DHODH: variants seen among roughly 807,000 people sequenced by gnomAD.
The protein encoded by DHODH is dihydroorotate dehydrogenase (quinone).
In DHODH, 30 loss-of-function variants were observed where a neutral mutation model predicts 39.7. The ratio of observed to expected loss-of-function variants is 0.76; its 90% CI spans 0.57 to 1.02. The LOEUF (loss-of-function observed/expected upper bound fraction) is 1.02, where lower values mean the gene tolerates loss of function less well. Ranked by LOEUF, DHODH falls within the 50% of genes least tolerant of loss-of-function variation. The pLI is 0.00. For synonymous variants in DHODH, 222 were observed against 213.8 expected, an observed-to-expected ratio of 1.04 and a Z score of -0.34; for missense variants, 531 against 520.8, an observed-to-expected ratio of 1.02 and a Z score of -0.19.
intron 2 of DHODH, among the ~76,000 whole-genome samples, chr16:72,012,936 C>T (rs565355898): frequency 7.2e-5 from 11 of 152,308 alleles, no homozygotes; most frequent in South Asian, 2.1e-4. Context: ...TGTGACCTTC[C>T]GGGCTTAGTG....
At chr16:72,016,055 G>A (rs779378894) in intron 3 of DHODH, 1 of 184,362 alleles carries the variant, frequency 5.4e-6, no homozygotes, top group Non-Finnish European at 1.0e-5. Flanking sequence ...GCAGTGTTGA[G>A]ACTCTGGTCC....
intron 3 of DHODH, among the ~76,000 whole-genome samples, chr16:72,015,004 C>T (rs1196494820): frequency 6.6e-6 from 1 of 152,146 alleles, no homozygotes; most frequent in African/African-American, 2.4e-5. Context: ...TGTTGTTTCT[C>T]CAATGCTCTT....
At chr16:72,011,948 T>A in intron 1 of DHODH, 102 bp from the exon 2 acceptor site, 1 of 905,390 alleles carries the variant, frequency 1.1e-6, no homozygotes, top group Non-Finnish European at 1.8e-6. Context: ...GTCTGTTTCA[T>A]GTGACCTGCC....
At position 72,022,368 on chromosome 16, in the gene DHODH, C is replaced by T. The variant is rs1489277506; in HGVS notation, c.712C>T (p.Gln238Ter). Residue 238 changes from glutamine to a stop codon, truncating the protein, a stop_gained, in exon 6 of 9, where the codon CAG becomes TAG. Coordinates refer to ENST00000219240, the MANE Select transcript of DHODH (RefSeq NM_001361.5). LOFTEE classifies it high-confidence loss of function. ...ELRRLLTKVLQERDGLRRVHR... is the reference protein window; with the variant it reads ...ELRRLLTKVL ...TGGCCGTGTGTCGCCCTAGGTGCTG[C>T]AGGAGAGGGATGGCTTGCGGAGAGT... is the stretch of plus-strand genomic sequence containing the variant. 1.9e-6 allele frequency: 3 copies of T among 1,553,128 alleles called. No individual in the cohort carries two copies. The highest frequency in any genetic ancestry group is 2.4e-5 in the South Asian group (2 of 84,148).
At chr16:72,016,500 A>G (rs937535064) in intron 3 of DHODH, 3 of 217,782 alleles carry the variant, frequency 1.4e-5, no homozygotes, top group Non-Finnish European at 2.8e-5. Flanking sequence ...GCATATATGT[A>G]TGTATCTATC....
rs1335015663 is a variant in DHODH at position 72,025,356 on chromosome 16, G to A, written c.*1157G>A. 6.6e-6 allele frequency: 1 copy of A among 152,220 alleles called. No individual in the cohort carries two copies. Among genetic ancestry groups the A allele is most frequent in the Non-Finnish European group, 1.5e-5 (1 of 68,032 alleles). The allele number at this position is 152,220 out of a possible 1,614,324, so 9.4% of individuals were successfully genotyped here. ...CTGGATGGAATGCACACTGTTATCTGTTTAGTTACTTTATGTTTTCATACA... is the reference window on the plus strand; with the variant it reads ...CTGGATGGAATGCACACTGTTATCTATTTAGTTACTTTATGTTTTCATACA... On this transcript the variant is annotated 3_prime_UTR_variant, in exon 9 of 9. Coordinates refer to ENST00000219240, the MANE Select transcript of DHODH (RefSeq NM_001361.5).
At chr16:72,023,667 T>G (rs1419707570) in intron 8 of DHODH, 34 bp downstream of exon 8, 2 of 1,611,220 alleles carry the variant, frequency 1.2e-6, no homozygotes, top group Non-Finnish European at 1.7e-6. Context: ...GAAACAGAAG[T>G]TAGGCAGAGG....
chr16:72,023,772 T>G, intron 8 of DHODH, 139 bp downstream of exon 8: 1 of 1,243,626 alleles, frequency 8.0e-7, no homozygotes, highest in Non-Finnish European at 1.1e-6. Flanking sequence ...GGGAGAGAAA[T>G]TCTGGGTTAC....
chr16:72,016,476 C>T (rs2041142527), intron 3 of DHODH: 1 of 178,604 alleles, frequency 5.6e-6, no homozygotes, highest in Non-Finnish European at 1.2e-5. Context: ...AAGATTGTAA[C>T]CTAGGGACCT....
intron 6 of DHODH, 107 bp from the exon 7 acceptor site, chr16:72,023,057 GC>G (rs756727189): frequency 4.1e-5 from 43 of 1,053,848 alleles, no homozygotes; most frequent in Non-Finnish European, 5.8e-5. Context: ...TGCTTTGGGG[GC>G]TGTAGGTGTG....
intron 1 of DHODH, among the ~76,000 whole-genome samples, chr16:72,009,745 G>C (rs569432918): frequency 3.6e-4 from 54 of 151,886 alleles, no homozygotes; most frequent in African/African-American, 1.1e-3. Flanking sequence ...CTCCTGCGTA[G>C]CTGAGATTAC....
chr16:72,017,115 G>C lies in DHODH; in HGVS notation c.517+9G>C, dbSNP rs776488801. On this transcript the variant is annotated intron_variant, in intron 4 of 8. Coordinates refer to ENST00000219240, the MANE Select transcript of DHODH (RefSeq NM_001361.5). ...GGCCAAGCTCACAGAAGGTAAAGTG[G>C]GGTTGTGTCAGTGGGCCTTTCTTAT... The C allele has an allele frequency of 1.2e-6, 2 of 1,613,806 alleles. No homozygotes were observed. Among genetic ancestry groups the C allele is most frequent in the East Asian group, 2.2e-5 (1 of 44,884 alleles).
chr16:72,014,669 A>G lies in DHODH; in HGVS notation c.431A>G (p.Asn144Ser), dbSNP rs1215774893. 6.2e-7 allele frequency: 1 copy of G among 1,614,090 alleles called. No homozygotes were observed. Among genetic ancestry groups the G allele is most frequent in the African/African-American group, 1.3e-5 (1 of 75,052 alleles). Residue 144 changes from asparagine to serine, a missense_variant, in exon 3 of 9, where the codon AAC (asparagine) becomes AGC (serine). Physicochemically the swap from Asn to Ser is conservative, Grantham distance 46. Transcript: ENST00000219240. Reference sequence around the variant, plus strand: ...CTCCCTGAGGACCAAGCTGTCATTAACAGGTAGGTGAGCGGCCCAGAGTTA... The same window carrying G: ...CTCCCTGAGGACCAAGCTGTCATTAGCAGGTAGGTGAGCGGCCCAGAGTTA... ...FRLPEDQAVI[N>S]RYGFNSHGLS...
intron 5 of DHODH, 141 bp downstream of exon 5, chr16:72,021,452 TC>T (rs1351659635): frequency 3.7e-6 from 3 of 816,972 alleles, no homozygotes; most frequent in Admixed American, 4.1e-5. Context: ...GGCTATACCT[TC>T]CCAGAGTCCC....
rs2041254287 is a variant in DHODH at position 72,024,134 on chromosome 16, T to C, written c.1134-11T>C. 2 of 1,614,152 alleles carry C rather than the reference T, an allele frequency of 1.2e-6. No individual in the cohort carries two copies. The highest frequency in any genetic ancestry group is 1.3e-5 in the African/African-American group (1 of 75,052). ...TGTTTGCTGAAATTGCTTTGTTTGC[T>C]CTTTTTCCAGAGAGCAGGGCTTTGG... On this transcript the variant is annotated splice_polypyrimidine_tract_variant and intron_variant, in intron 8 of 8. Transcript: ENST00000219240.
chr16:72,008,925 G>A, intron 1 of DHODH, 140 bp downstream of exon 1: 2 of 1,534,062 alleles, frequency 1.3e-6, no homozygotes, highest in East Asian at 2.5e-5. Context: ...TGTTTCCGGG[G>A]TCTCCTGCAA....
intron 6 of DHODH, among the ~76,000 whole-genome samples, 153 bp from the exon 7 acceptor site, chr16:72,023,012 A>C (rs1368186732): frequency 6.6e-6 from 1 of 152,200 alleles, no homozygotes; most frequent in Non-Finnish European, 1.5e-5. Context: ...AAACTTGTTG[A>C]GGAAAAGATG....
At chr16:72,013,938 C>A (rs2143974835) in intron 2 of DHODH, among the ~76,000 whole-genome samples, 1 of 152,336 alleles carries the variant, frequency 6.6e-6, no homozygotes, top group South Asian at 2.1e-4. Context: ...CATCTTCCTT[C>A]CTCTGGTTCC....
At chr16:72,019,490 C>T (rs951750820) in intron 4 of DHODH, among the ~76,000 whole-genome samples, 7 of 152,180 alleles carry the variant, frequency 4.6e-5, no homozygotes, top group Non-Finnish European at 7.3e-5. Context: ...TACCACTCCC[C>T]GTGCAGATAA....
Sources: allele counts gnomAD v4.1 joint callset (sites outside exome capture counted in the v4.1 genomes callset), GRCh38; gene constraint gnomAD v4.1.1; transcripts MANE v1.5; gene names NCBI Gene and HGNC (gene_info 2026-07-23, HGNC 2026-07-21).